AFG2A: variants seen among roughly 807,000 people sequenced by gnomAD.
AFG2A encodes the protein ATPase family gene 2 protein homolog A.
At chr4:123,200,881 C>T in the AFG2A span, among the ~76,000 whole-genome samples, 1 of 152,174 alleles carries the variant, frequency 6.6e-6, no homozygotes, top group African/African-American at 2.4e-5. Flanking sequence ...TCTCATTCCA[C>T]AATTTTGAAT....
At chr4:123,107,972 C>A in the AFG2A span, among the ~76,000 whole-genome samples, 1 of 152,182 alleles carries the variant, frequency 6.6e-6, no homozygotes, top group Non-Finnish European at 1.5e-5. Flanking sequence ...GCTTCCCAGG[C>A]CCCCAAGAAC....
At chr4:122,996,372 G>C in the AFG2A span, among the ~76,000 whole-genome samples, 2 of 152,122 alleles carry the variant, frequency 1.3e-5, no homozygotes, top group Non-Finnish European at 2.9e-5. Context: ...AATTTTAGTT[G>C]AATGGCTGAG....
the AFG2A span, among the ~76,000 whole-genome samples, chr4:123,186,603 G>A: frequency 2.0e-5 from 3 of 152,282 alleles, no homozygotes; most frequent in South Asian, 6.2e-4. Context: ...AATTTGAAAT[G>A]TAGTTGGAAT....
the AFG2A span, among the ~76,000 whole-genome samples, chr4:123,199,462 G>GTTTTTTTTT: frequency 1.1e-4 from 5 of 47,444 alleles, no homozygotes; most frequent in Admixed American, 3.0e-4. Flanking sequence ...ATACTCAGAG[G>GTTTTTTTTT]TTTTTTTTTT....
the AFG2A span, among the ~76,000 whole-genome samples, chr4:123,292,029 T>C: frequency 6.6e-6 from 1 of 152,200 alleles, no homozygotes; most frequent in Admixed American, 6.5e-5. Context: ...ACGTTTTATA[T>C]AATCTCATAT....
chr4:122,923,412 G>C, the AFG2A span: 2 of 1,465,304 alleles, frequency 1.4e-6, no homozygotes, highest in East Asian at 4.5e-5. Context: ...AGTTGGGCGT[G>C]GCATGGGTCT....
At chr4:123,028,900 G>A in the AFG2A span, among the ~76,000 whole-genome samples, 6 of 152,086 alleles carry the variant, frequency 3.9e-5, no homozygotes, top group Non-Finnish European at 7.4e-5. Context: ...GCTTCGCCCC[G>A]ATTAACTGGG....
the AFG2A span, among the ~76,000 whole-genome samples, chr4:122,999,624 G>T: frequency 0.83 from 125,714 of 151,262 alleles, 53,381 homozygotes; most frequent in East Asian, 0.96. Flanking sequence ...GTTGTAGATA[G>T]GTGGCATTAT....
chr4:123,250,740 C>A, the AFG2A span, among the ~76,000 whole-genome samples: 9 of 152,110 alleles, frequency 5.9e-5, no homozygotes, highest in African/African-American at 2.2e-4. Flanking sequence ...AATGGACAGA[C>A]CACGATATCC....
chr4:123,137,557 T>A, the AFG2A span, among the ~76,000 whole-genome samples: 1 of 152,228 alleles, frequency 6.6e-6, no homozygotes, highest in African/African-American at 2.4e-5. Context: ...TGGTCTCATT[T>A]TACATTCTTT....
the AFG2A span, chr4:122,934,872 GT>G: frequency 2.6e-6 from 3 of 1,164,186 alleles, no homozygotes; most frequent in Non-Finnish European, 3.5e-6. Flanking sequence ...GAAGATTTCA[GT>G]TGCTTTGGGA....
the AFG2A span, among the ~76,000 whole-genome samples, chr4:123,204,360 A>C: frequency 1.3e-5 from 2 of 152,204 alleles, no homozygotes; most frequent in Non-Finnish European, 2.9e-5. Context: ...AATGAATGAG[A>C]AATCTAGTTT....
chr4:123,306,550 AT>A, the AFG2A span, among the ~76,000 whole-genome samples: 12 of 149,298 alleles, frequency 8.0e-5, no homozygotes, highest in South Asian at 4.3e-4. Flanking sequence ...TTGGATATCA[AT>A]TTTTTTTTCT....
the AFG2A span, among the ~76,000 whole-genome samples, chr4:123,159,632 A>C: frequency 0.016 from 2,506 of 152,292 alleles, 66 homozygotes; most frequent in African/African-American, 0.055. Context: ...AGTGCATAGC[A>C]TGTAGAGCCT....
chr4:122,998,060 T>C, the AFG2A span, among the ~76,000 whole-genome samples: 1 of 152,180 alleles, frequency 6.6e-6, no homozygotes, highest in Admixed American at 6.5e-5. Flanking sequence ...TTATCAGATA[T>C]GTTATTTGCA....
At chr4:123,173,795 A>C in the AFG2A span, among the ~76,000 whole-genome samples, 1 of 152,212 alleles carries the variant, frequency 6.6e-6, no homozygotes, top group Non-Finnish European at 1.5e-5. Flanking sequence ...ATGCTTTGAA[A>C]AGCATTTGAT....
chr4:123,136,547 G>A, the AFG2A span, among the ~76,000 whole-genome samples: 15,415 of 151,698 alleles, frequency 0.1, 898 homozygotes, highest in Middle Eastern at 0.2. Context: ...GGTGGCAGGC[G>A]CCTGTAGTCC....
At chr4:122,932,481 C>T in the AFG2A span, among the ~76,000 whole-genome samples, 1 of 152,178 alleles carries the variant, frequency 6.6e-6, no homozygotes, top group East Asian at 1.9e-4. Flanking sequence ...GCATGAGCCA[C>T]CATGCTCAGT....
the AFG2A span, among the ~76,000 whole-genome samples, chr4:123,017,010 C>T: frequency 6.6e-6 from 1 of 152,098 alleles, no homozygotes; most frequent in African/African-American, 2.4e-5. Context: ...CAATCGCAGG[C>T]CCTCGGCAGG....
Sources: gnomAD v4.1 joint callset for allele counts (sites outside exome capture counted in the v4.1 genomes callset) on GRCh38, gnomAD v4.1.1 for gene constraint, MANE v1.5 for transcripts, NCBI Gene and HGNC (gene_info 2026-07-23, HGNC 2026-07-21) for gene names.